The following ETV2 variants were observed in gnomAD, a reference collection of about 807,000 sequenced individuals.
ETV2 encodes the protein ETS translocation variant 2.
ETV2 carries 34 observed loss-of-function variants against 35.7 expected under a neutral mutation model. The observed-to-expected ratio is 0.95, with a 90% CI of 0.72 to 1.27. The LOEUF is 1.27. Among genes scored for constraint, ETV2 ranks in the 50% most tolerant of loss-of-function variants. ETV2 has a pLI of 0.00. For synonymous variants in ETV2, 207 were observed against 203.9 expected, an observed-to-expected ratio of 1.02 and a Z score of -0.13; for missense variants, 512 against 470.5, an observed-to-expected ratio of 1.09 and a Z score of -0.82.
chr19:35,644,795 G>A lies in ETV2; in HGVS notation c.972G>A (p.Val324=). The change falls in exon 7 of 7, where the codon GTG becomes GTA. Residue 324 remains valine (V), a synonymous_variant. Coordinates refer to ENST00000402764, the MANE Select transcript of ETV2 (RefSeq NM_014209.4). The surrounding 1 kb of genome is among the most constrained non-coding windows in gnomAD (Gnocchi z 4.7). ...ACACGTACCGCTTCGGGGGCCGCGT[G>A]CCCAGCCTAGCCTATCCGGACTGTG... is the stretch of plus-strand genomic sequence containing the variant. ...RKYTYRFGGR[V]PSLAYPDCAG... 6.2e-7 allele frequency: 1 copy of A among 1,611,382 alleles called. No homozygotes were observed.
chr19:35,644,851 A>C lies in ETV2; in HGVS notation c.1028A>C (p.Ter343SerextTer?). 6.3e-7 allele frequency: 1 copy of C among 1,596,244 alleles called. No individual in the cohort carries two copies. The highest frequency in any genetic ancestry group is 8.5e-7 in the Non-Finnish European group (1 of 1,171,492). The change falls in exon 7 of 7, where the codon TAA becomes TCA. Residue 343 changes from the stop codon to serine (S), a stop_lost. Transcript: ENST00000402764. This position sits in a 1 kb window ranked among gnomAD's most constrained non-coding sequence, Gnocchi z 4.7. ...GGCGGACGGGGAGCAGAGACACAAT[A>C]AAAATTCCCGGTCAAACCTCTTCGC... is the stretch of plus-strand genomic sequence containing the variant. ...AGGGRGAETQ[*>S] is the part of the protein sequence containing the mutation.
chr19:35,644,215 C>A lies in ETV2; in HGVS notation c.716-20C>A. 1 of 1,477,890 alleles carries A rather than the reference C, an allele frequency of 6.8e-7. No homozygotes were observed. The highest frequency in any genetic ancestry group is 1.2e-5 in the South Asian group (1 of 82,658). 91.5% of individuals were successfully genotyped at this position (1,477,890 alleles called of 1,614,324 possible). A position where few individuals can be genotyped will look rare whatever the true frequency, so the allele number is the denominator to read the frequency against. ...TCTAGGGCCGGGAAGACTGAGTGTG[C>A]CCCTCCCTTCATCCCGCAGGTCCCA... On this transcript the variant is annotated intron_variant, in intron 5 of 6. Transcript: ENST00000402764. The surrounding 1 kb of genome is among the most constrained non-coding windows in gnomAD (Gnocchi z 4.7).
chr19:35,642,968 C>T lies in ETV2; in HGVS notation c.158C>T (p.Thr53Ile). Residue 53 changes from threonine to isoleucine, a missense_variant, in exon 4 of 7, where the codon ACA (threonine) becomes ATA (isoleucine). By Grantham distance (89) the Thr-to-Ile change is moderately conservative. Coordinates refer to ENST00000402764, the MANE Select transcript of ETV2 (RefSeq NM_014209.4). This position sits in a 1 kb window ranked among gnomAD's most constrained non-coding sequence, Gnocchi z 4.4. ...TATAETCWKG[T>I]SSSLASFPQL... Reference sequence around the variant, plus strand: ...TCACAGTCCTCCCTAAACTCAGGTACAAGCTCATCCCTGGCAAGCTTCCCA... The same window carrying T: ...TCACAGTCCTCCCTAAACTCAGGTATAAGCTCATCCCTGGCAAGCTTCCCA... The T allele has an allele frequency of 1.3e-6, 2 of 1,563,456 alleles. No homozygotes were observed. The highest frequency in any genetic ancestry group is 1.7e-6 in the Non-Finnish European group (2 of 1,150,100).
In ETV2 at chr19:35,643,870, C is replaced by G; in HGVS notation, c.715+117C>G. On this transcript the variant is annotated intron_variant, in intron 5 of 6. Transcript: ENST00000402764. This position sits in a 1 kb window ranked among gnomAD's most constrained non-coding sequence, Gnocchi z 5.0. Reference sequence around the variant, plus strand: ...AGTGAGGGGGCGGGGGCTTAGGGACCAGGGGCTCGAAGGAGGGGCCGGTGG... The same window carrying G: ...AGTGAGGGGGCGGGGGCTTAGGGACGAGGGGCTCGAAGGAGGGGCCGGTGG... 2.1e-6 allele frequency: 3 copies of G among 1,458,984 alleles called. No homozygotes were observed. The highest frequency in any genetic ancestry group is 2.8e-6 in the Non-Finnish European group (3 of 1,076,102). The allele number at this position is 1,458,984 out of a possible 1,614,324, so 90.4% of individuals were successfully genotyped here. A position where few individuals can be genotyped will look rare whatever the true frequency, so the allele number is the denominator to read the frequency against.
chr19:35,644,633 G>A lies in ETV2; in HGVS notation c.829-19G>A, dbSNP rs753316714. Reference sequence around the variant, plus strand: ...AGCCCCGCCCCTTCCCACTCCGACCGAGCGGGCCTCTGTCCTAGGTGGCTC... The same window carrying A: ...AGCCCCGCCCCTTCCCACTCCGACCAAGCGGGCCTCTGTCCTAGGTGGCTC... On this transcript the variant is annotated intron_variant, in intron 6 of 6. Transcript: ENST00000402764. This position sits in a 1 kb window ranked among gnomAD's most constrained non-coding sequence, Gnocchi z 4.7. The A allele has an allele frequency of 5.0e-6, 8 of 1,599,900 alleles. No individual in the cohort carries two copies. Among genetic ancestry groups the A allele is most frequent in the Admixed American group, 3.4e-5 (2 of 58,374 alleles).
In ETV2 at chr19:35,642,843, G is replaced by T; in HGVS notation, c.155-122G>T. On this transcript the variant is annotated intron_variant, in intron 3 of 6. Transcript: ENST00000402764. The surrounding 1 kb of genome is among the most constrained non-coding windows in gnomAD (Gnocchi z 4.4). Reference sequence around the variant, plus strand: ...CTTGACCCCTGAGGGTGAAGGAAAAGGGGGCGCGGGGTGCTGAAATACGGG... The same window carrying T: ...CTTGACCCCTGAGGGTGAAGGAAAATGGGGCGCGGGGTGCTGAAATACGGG... 1 of 974,908 alleles carries T rather than the reference G, an allele frequency of 1.0e-6. No homozygotes were observed. The highest frequency in any genetic ancestry group is 2.1e-4 in the Middle Eastern group (1 of 4,694). 60.4% of individuals were successfully genotyped at this position (974,908 alleles called of 1,614,324 possible).
Position 35,642,828 on chromosome 19 carries a change from G to A in ETV2, c.154+130G>A. The A allele has an allele frequency of 2.0e-6, 2 of 994,092 alleles. No individual in the cohort carries two copies. Among genetic ancestry groups the A allele is most frequent in the Non-Finnish European group, 3.1e-6 (2 of 645,732 alleles). 61.6% of individuals were successfully genotyped at this position (994,092 alleles called of 1,614,324 possible). Reference sequence around the variant, plus strand: ...GGGAGGGGCCGCGTGCTTGACCCCTGAGGGTGAAGGAAAAGGGGGCGCGGG... The same window carrying A: ...GGGAGGGGCCGCGTGCTTGACCCCTAAGGGTGAAGGAAAAGGGGGCGCGGG... On this transcript the variant is annotated intron_variant, in intron 3 of 6. Transcript: ENST00000402764. This position sits in a 1 kb window ranked among gnomAD's most constrained non-coding sequence, Gnocchi z 4.4.
In ETV2 at chr19:35,642,660, G is replaced by T; in HGVS notation, c.116G>T (p.Gly39Val). 6.2e-7 allele frequency: 1 copy of T among 1,605,716 alleles called. No homozygotes were observed. Among genetic ancestry groups the T allele is most frequent in the South Asian group, 1.1e-5 (1 of 89,672 alleles). Residue 39 changes from glycine to valine, a missense_variant, in exon 3 of 7, where the codon GGG becomes GTG. Physicochemically the swap from Gly to Val is moderately radical, Grantham distance 109. Coordinates refer to ENST00000402764, the MANE Select transcript of ETV2 (RefSeq NM_014209.4). This position sits in a 1 kb window ranked among gnomAD's most constrained non-coding sequence, Gnocchi z 4.4. ...TGTTTCCCTGATCTGGCACTCCAAGGGGACACGCCGACAGCGACAGCAGAG... is the reference window on the plus strand; with the variant it reads ...TGTTTCCCTGATCTGGCACTCCAAGTGGACACGCCGACAGCGACAGCAGAG... ...GFCFPDLALQ[G>V]DTPTATAETC...
chr19:35,643,076 G>C lies in ETV2; in HGVS notation c.235+31G>C. On this transcript the variant is annotated intron_variant, in intron 4 of 6. Coordinates refer to ENST00000402764, the MANE Select transcript of ETV2 (RefSeq NM_014209.4). This position sits in a 1 kb window ranked among gnomAD's most constrained non-coding sequence, Gnocchi z 5.0. ...TGTGGGGAGAGGCGGTGGGAGGTGG[G>C]GACTGGGGTCCCGAGGCACCGGGGC... 6.9e-7 allele frequency: 1 copy of C among 1,454,956 alleles called. No homozygotes were observed. Among genetic ancestry groups the C allele is most frequent in the Non-Finnish European group, 9.4e-7 (1 of 1,067,134 alleles). The allele number at this position is 1,454,956 out of a possible 1,614,324, so 90.1% of individuals were successfully genotyped here.
At position 35,642,889 on chromosome 19, in the gene ETV2, G is replaced by C. The variant is rs1157474605; in HGVS notation, c.155-76G>C. 9.5e-7 allele frequency: 1 copy of C among 1,052,070 alleles called. No homozygotes were observed. Among genetic ancestry groups the C allele is most frequent in the Admixed American group, 2.1e-5 (1 of 47,834 alleles). The allele number at this position is 1,052,070 out of a possible 1,614,324, so 65.2% of individuals were successfully genotyped here. A position where few individuals can be genotyped will look rare whatever the true frequency, so the allele number is the denominator to read the frequency against. On this transcript the variant is annotated intron_variant, in intron 3 of 6. Transcript: ENST00000402764. The surrounding 1 kb of genome is among the most constrained non-coding windows in gnomAD (Gnocchi z 4.4). ...ACGGGCTGGGGGGCCATAACTCCCAGTCCCTGACAAGTAGAGACTAGAGAG... is the reference window on the plus strand; with the variant it reads ...ACGGGCTGGGGGGCCATAACTCCCACTCCCTGACAAGTAGAGACTAGAGAG...
In ETV2 at chr19:35,644,376, C is replaced by T. The variant is rs1248864438; in HGVS notation, c.828+29C>T. ...GGGCAGCTCCCCTGCCCAGCCAAAT[C>T]CGCCCCGTCTCTTCTAGTTCAATTT... On this transcript the variant is annotated intron_variant, in intron 6 of 6. Coordinates refer to ENST00000402764, the MANE Select transcript of ETV2 (RefSeq NM_014209.4). This position sits in a 1 kb window ranked among gnomAD's most constrained non-coding sequence, Gnocchi z 4.7. 2 of 1,341,968 alleles carry T rather than the reference C, an allele frequency of 1.5e-6. No homozygotes were observed. The highest frequency in any genetic ancestry group is 2.0e-6 in the Non-Finnish European group (2 of 1,010,098). The allele number at this position is 1,341,968 out of a possible 1,614,324, so 83.1% of individuals were successfully genotyped here.
In ETV2 at chr19:35,642,675, C is replaced by T. The variant is rs190349714; in HGVS notation, c.131C>T (p.Ala44Val). The T allele has an allele frequency of 1.2e-6, 2 of 1,602,174 alleles. No individual in the cohort carries two copies. Among genetic ancestry groups the T allele is most frequent in the Non-Finnish European group, 1.7e-6 (2 of 1,174,556 alleles). ...GCACTCCAAGGGGACACGCCGACAG[C>T]GACAGCAGAGACATGCTGGAAAGGT... Reference protein sequence around the residue: ...DLALQGDTPTATAETCWKGTS... With the variant: ...DLALQGDTPTVTAETCWKGTS... Residue 44 changes from alanine (A) to valine (V), a missense_variant, in exon 3 of 7, where the codon GCG (alanine) becomes GTG (valine). Coordinates refer to ENST00000402764, the MANE Select transcript of ETV2 (RefSeq NM_014209.4). This position sits in a 1 kb window ranked among gnomAD's most constrained non-coding sequence, Gnocchi z 4.4.
rs549221105 is a variant in ETV2, at chr19:35,644,457, G to T, written c.828+110G>T. ...TAGCCCTCGGCCCCGCCGCTCCCCG[G>T]CCCACTCGAGGCCCCGCCCAACCCT... On this transcript the variant is annotated intron_variant, in intron 6 of 6. Coordinates refer to ENST00000402764, the MANE Select transcript of ETV2 (RefSeq NM_014209.4). This position sits in a 1 kb window ranked among gnomAD's most constrained non-coding sequence, Gnocchi z 4.7. 6.1e-5 allele frequency: 57 copies of T among 930,188 alleles called. No homozygotes were observed. The South Asian group carries it at 7.2e-4, about 12-fold the overall frequency. 57.6% of individuals were successfully genotyped at this position (930,188 alleles called of 1,614,324 possible).
Position 35,644,866 on chromosome 19 carries a change from A to C in ETV2, c.*14A>C, listed in dbSNP as rs762387941. 1 of 1,575,570 alleles carries C rather than the reference A, an allele frequency of 6.3e-7. No individual in the cohort carries two copies. Among genetic ancestry groups the C allele is most frequent in the South Asian group, 1.2e-5 (1 of 86,464 alleles). On this transcript the variant is annotated 3_prime_UTR_variant, in exon 7 of 7. Transcript: ENST00000402764. The surrounding 1 kb of genome is among the most constrained non-coding windows in gnomAD (Gnocchi z 4.7). ...GAGACACAATAAAAATTCCCGGTCA[A>C]ACCTCTTCGCGCGTGCTCCTCTGCA...
In ETV2 at chr19:35,643,330, G is replaced by T; in HGVS notation, c.292G>T (p.Ala98Ser). 6.2e-7 allele frequency: 1 copy of T among 1,600,242 alleles called. No individual in the cohort carries two copies. Residue 98 changes from alanine to serine, a missense_variant, in exon 5 of 7, where the codon GCC becomes TCC. Physicochemically the swap from Ala to Ser is moderately conservative, Grantham distance 99. Coordinates refer to ENST00000402764, the MANE Select transcript of ETV2 (RefSeq NM_014209.4). The surrounding 1 kb of genome is among the most constrained non-coding windows in gnomAD (Gnocchi z 5.0). ...GGACTGGACAGACATGGCGTGCACA[G>T]CCTGGGACTCTTGGAGCGGCGCCTC... ...SGDWTDMACTAWDSWSGASQT... is the reference protein window; with the variant it reads ...SGDWTDMACTSWDSWSGASQT...
rs763913301 is a variant in ETV2, at chr19:35,644,787, G to T, written c.964G>T (p.Gly322Cys). Residue 322 changes from glycine to cysteine, a missense_variant, in exon 7 of 7, where the codon GGC becomes TGC. Physicochemically the swap from Gly to Cys is radical, Grantham distance 159. Coordinates refer to ENST00000402764, the MANE Select transcript of ETV2 (RefSeq NM_014209.4). The surrounding 1 kb of genome is among the most constrained non-coding windows in gnomAD (Gnocchi z 4.7). The stretch of plus-strand genomic sequence containing the variant: ...GCGAAAGTACACGTACCGCTTCGGG[G>T]GCCGCGTGCCCAGCCTAGCCTATCC... The part of the protein sequence containing the change: ...GGRKYTYRFG[G>C]RVPSLAYPDC... 5.5e-5 allele frequency: 88 copies of T among 1,612,016 alleles called. No homozygotes were observed. The highest frequency in any genetic ancestry group is 7.4e-5 in the Non-Finnish European group (87 of 1,179,308).
Position 35,642,732 on chromosome 19 carries a change from A to G in ETV2, c.154+34A>G. On this transcript the variant is annotated intron_variant, in intron 3 of 6. Coordinates refer to ENST00000402764, the MANE Select transcript of ETV2 (RefSeq NM_014209.4). This position sits in a 1 kb window ranked among gnomAD's most constrained non-coding sequence, Gnocchi z 4.4. Reference sequence around the variant, plus strand: ...GGGCTGGGACCCCTAAGTGCTGGAGAAGAAGCGGGGAGGCTGGGATCCTAG... The same window carrying G: ...GGGCTGGGACCCCTAAGTGCTGGAGGAGAAGCGGGGAGGCTGGGATCCTAG... 1 of 1,513,352 alleles carries G rather than the reference A, an allele frequency of 6.6e-7. No individual in the cohort carries two copies. Among genetic ancestry groups the G allele is most frequent in the South Asian group, 1.2e-5 (1 of 83,798 alleles). 93.7% of individuals were successfully genotyped at this position (1,513,352 alleles called of 1,614,324 possible).
chr19:35,642,061 C>G lies in ETV2; in HGVS notation c.-123C>G, dbSNP rs1211073541. On this transcript the variant is annotated 5_prime_UTR_variant, in exon 1 of 7. Coordinates refer to ENST00000402764, the MANE Select transcript of ETV2 (RefSeq NM_014209.4). This position sits in a 1 kb window ranked among gnomAD's most constrained non-coding sequence, Gnocchi z 4.4. ...GGCTGCGACCCCTGCTCTGACGTCT[C>G]GGAAAATTCCCCCTTGCCCAGGCCC... is the stretch of plus-strand genomic sequence containing the variant. 1 of 158,472 alleles carries G rather than the reference C, an allele frequency of 6.3e-6. No homozygotes were observed. 9.8% of individuals were successfully genotyped at this position (158,472 alleles called of 1,614,324 possible).
chr19:35,643,219 A>G lies in ETV2; in HGVS notation c.236-55A>G. 1 of 1,546,476 alleles carries G rather than the reference A, an allele frequency of 6.5e-7. No individual in the cohort carries two copies. The highest frequency in any genetic ancestry group is 8.7e-7 in the Non-Finnish European group (1 of 1,150,168). On this transcript the variant is annotated intron_variant, in intron 4 of 6. Transcript: ENST00000402764. The surrounding 1 kb of genome is among the most constrained non-coding windows in gnomAD (Gnocchi z 5.0). ...CCAGGGTTGAGAGCTTAGACCCTAG[A>G]GTTTTTGAGGGGGCACCTGGGCTCC...
Sources: gnomAD v4.1 joint callset for allele counts on GRCh38, gnomAD v4.1.1 for gene constraint, Gnocchi (gnomAD v3.1) non-coding constraint, MANE v1.5 for transcripts, NCBI Gene and HGNC (gene_info 2026-07-23, HGNC 2026-07-21) for gene names.